DPH6: variants seen among roughly 807,000 people sequenced by gnomAD.
DPH6 encodes the protein diphthine--ammonia ligase.
A neutral mutation model predicts 38.2 loss-of-function variants in DPH6; 33 were observed. That is an observed-to-expected ratio of 0.86 (90% CI 0.65 to 1.15). The LOEUF (loss-of-function observed/expected upper bound fraction) is 1.15. Among genes scored for constraint, DPH6 ranks in the 50% most tolerant of loss-of-function variants. DPH6 has a pLI of 0.00. For synonymous variants in DPH6, 108 were observed against 103.0 expected (o/e 1.05, Z -0.30); for missense variants, 325 against 320.0 (o/e 1.02, Z -0.12).
intron 3 of DPH6, among the ~76,000 whole-genome samples, chr15:35,308,063 G>C (rs920972321): frequency 6.6e-6 from 1 of 152,092 alleles, no homozygotes; most frequent in African/African-American, 2.4e-5. Context: ...CTTGAGGCCA[G>C]GAGTTCAAAA....
At chr15:35,303,509 T>A (rs1306049700) in intron 3 of DPH6, among the ~76,000 whole-genome samples, 1 of 151,798 alleles carries the variant, frequency 6.6e-6, no homozygotes, top group Non-Finnish European at 1.5e-5. Context: ...ACTCAAATTA[T>A]ATATATATGA....
At chr15:35,314,180 C>T (rs1273824300) in intron 3 of DPH6, among the ~76,000 whole-genome samples, 1 of 150,762 alleles carries the variant, frequency 6.6e-6, no homozygotes, top group Non-Finnish European at 1.5e-5. Flanking sequence ...AAATGGTCAA[C>T]AAATATGAAA....
intron 3 of DPH6, among the ~76,000 whole-genome samples, chr15:35,281,305 G>A (rs67495205): frequency 0.03 from 4,551 of 152,138 alleles, 193 homozygotes; most frequent in African/African-American, 0.098. Context: ...TAAACATAAT[G>A]AAACCATTCT....
chr15:35,209,007 TG>T, the DPH6 span, among the ~76,000 whole-genome samples: 3 of 152,174 alleles, frequency 2.0e-5, no homozygotes, highest in Non-Finnish European at 4.4e-5. Context: ...GAAAGATTTA[TG>T]GTTTTCTTTA....
Position 35,522,321 on chromosome 15 carries a change from G to C in DPH6, c.312+15953C>G, listed in dbSNP as rs765325809. On this transcript the variant is annotated intron_variant, in intron 3 of 8. Transcript: ENST00000256538. ...GGAAAACGTGGCAATCAGAGGTTTAGGATTGACCAGAAAAAGCCCTGAGGC... is the reference window on the plus strand; with the variant it reads ...GGAAAACGTGGCAATCAGAGGTTTACGATTGACCAGAAAAAGCCCTGAGGC... The C allele has an allele frequency of 3.2e-6, 5 of 1,586,402 alleles. No homozygotes were observed. In the South Asian group the frequency reaches 5.8e-5, roughly 18 times the overall value.
chr15:35,198,932 A>T, the DPH6 span, among the ~76,000 whole-genome samples: 4 of 150,296 alleles, frequency 2.7e-5, no homozygotes, highest in African/African-American at 7.3e-5. Context: ...TTTTTTTTTT[A>T]GAGATGGAGT....
Position 35,240,738 on chromosome 15 carries a change from T to C in DPH6, n.201-20156A>G, listed in dbSNP as rs892832201. 3.5e-5 allele frequency among the ~76,000 whole-genome samples: 5 copies of C among 143,556 alleles called. 2 individuals are homozygous for C. The South Asian group carries it at 1.2e-3, about 34-fold the overall frequency. The allele number at this position is 143,556 out of a possible 152,430, so 94.2% of individuals were successfully genotyped here. Reference sequence around the variant, plus strand: ...TTCATGGCTCGTTCGGCAGCAGCCCTGAGACGCTTTACAGCCCTAGACCCT... The same window carrying C: ...TTCATGGCTCGTTCGGCAGCAGCCCCGAGACGCTTTACAGCCCTAGACCCT... On this transcript the variant is annotated intron_variant and non_coding_transcript_variant, in intron 3 of 3. Transcript: ENST00000560386.
the DPH6 span, among the ~76,000 whole-genome samples, chr15:35,169,942 A>T: frequency 2.0e-5 from 3 of 152,216 alleles, no homozygotes; most frequent in South Asian, 2.1e-4. Context: ...TTAAAAGCTG[A>T]CTTCCATAAA....
At chr15:35,419,527 C>T (rs950471176) in intron 5 of DPH6, among the ~76,000 whole-genome samples, 3 of 151,892 alleles carry the variant, frequency 2.0e-5, no homozygotes, top group African/African-American at 4.8e-5. Flanking sequence ...AAAGTGAGCA[C>T]CAAACTATAT....
intron 3 of DPH6, among the ~76,000 whole-genome samples, chr15:35,498,165 A>C (rs985040976): frequency 6.6e-6 from 1 of 152,176 alleles, no homozygotes; most frequent in Non-Finnish European, 1.5e-5. Context: ...AAAAACCCAC[A>C]ACCTTAATAC....
rs114185004 is a variant in DPH6, at chr15:35,462,545, G to C, written c.313-7725C>G. 9.7e-3 allele frequency among the ~76,000 whole-genome samples: 1,477 copies of C among 152,194 alleles called. 37 individuals are homozygous for C. Among genetic ancestry groups the C allele is most frequent in the African/African-American group, 0.034 (1,401 of 41,502 alleles). On this transcript the variant is annotated intron_variant, in intron 3 of 8. Coordinates refer to ENST00000256538, the MANE Select transcript of DPH6 (RefSeq NM_080650.4). Reference sequence around the variant, plus strand: ...AAGGTCTCTGGGCTTACCTTTGCCTGTGCCTGTAAAACACCTTCCCTAGAA... The same window carrying C: ...AAGGTCTCTGGGCTTACCTTTGCCTCTGCCTGTAAAACACCTTCCCTAGAA...
chr15:35,521,279 A>T, intron 3 of DPH6: 1 of 987,654 alleles, frequency 1.0e-6, no homozygotes, highest in Non-Finnish European at 1.2e-6. Context: ...AATAAACAGA[A>T]AGCTTTTATA....
the DPH6 span, among the ~76,000 whole-genome samples, chr15:35,205,105 T>C: frequency 0.013 from 1,934 of 152,120 alleles, 38 homozygotes; most frequent in African/African-American, 0.043. Flanking sequence ...AAAGGCTTTA[T>C]TAACCACAAA....
chr15:35,462,234 C>T (rs1393051162), intron 3 of DPH6, among the ~76,000 whole-genome samples: 1 of 152,078 alleles, frequency 6.6e-6, no homozygotes, highest in East Asian at 1.9e-4. Flanking sequence ...CCTAACTGGC[C>T]TCCCTAAGTC....
At chr15:35,338,915 A>G (rs1275301239) in intron 3 of DPH6, among the ~76,000 whole-genome samples, 1 of 152,194 alleles carries the variant, frequency 6.6e-6, no homozygotes, top group Non-Finnish European at 1.5e-5. Context: ...CATCATTCTC[A>G]GCAAACTATC....
chr15:35,184,460 C>T, the DPH6 span, among the ~76,000 whole-genome samples: 1 of 152,076 alleles, frequency 6.6e-6, no homozygotes, highest in South Asian at 2.1e-4. Flanking sequence ...AGAGCTAAAC[C>T]TCCAAGTAGG....
At chr15:35,307,588 C>T (rs890468101) in intron 3 of DPH6, among the ~76,000 whole-genome samples, 6 of 152,116 alleles carry the variant, frequency 3.9e-5, no homozygotes, top group African/African-American at 1.4e-4. Context: ...AAAAATGCAT[C>T]AATTTTAACT....
chr15:35,296,865 C>T (rs1338354364), intron 3 of DPH6, among the ~76,000 whole-genome samples: 4 of 118,760 alleles, frequency 3.4e-5, no homozygotes, highest in South Asian at 2.5e-4. Flanking sequence ...ACTGCAGTGG[C>T]GCAATCTCGG....
chr15:35,460,678 A>G (rs981061362), intron 3 of DPH6, among the ~76,000 whole-genome samples: 1 of 152,208 alleles, frequency 6.6e-6, no homozygotes, highest in African/African-American at 2.4e-5. Flanking sequence ...CTTTGTAAAT[A>G]TCGGACATTA....
Sources: gnomAD v4.1 joint callset for allele counts (sites outside exome capture counted in the v4.1 genomes callset) on GRCh38, gnomAD v4.1.1 for gene constraint, MANE v1.5 for transcripts, NCBI Gene and HGNC (gene_info 2026-07-23, HGNC 2026-07-21) for gene names.